The following NFKBIB variants were observed in gnomAD, a reference collection of about 807,000 sequenced individuals.
NFKBIB encodes the protein NF-kappa-B inhibitor beta.
A neutral mutation model predicts 32.1 loss-of-function variants in NFKBIB; 16 were observed. The ratio of observed to expected loss-of-function variants is 0.50; its 90% CI spans 0.34 to 0.76. The LOEUF is 0.76. Ranked by LOEUF, NFKBIB falls within the 30% of genes least tolerant of loss-of-function variation. The pLI is 0.01. For missense variants in NFKBIB, 437 were observed against 514.9 expected, an observed-to-expected ratio of 0.85 and a Z score of 1.46; for synonymous variants, 222 against 219.5, an observed-to-expected ratio of 1.01 and a Z score of -0.10.
rs1974088068 is a variant in NFKBIB, at chr19:38,905,410, G to A, written c.494G>A (p.Gly165Asp). 6.2e-7 allele frequency: 1 copy of A among 1,613,790 alleles called. No homozygotes were observed. Among genetic ancestry groups the A allele is most frequent in the Non-Finnish European group, 8.5e-7 (1 of 1,179,910 alleles). Residue 165 changes from glycine (G) to aspartate (D), a missense_variant, in exon 3 of 6, where the codon GGC (glycine) becomes GAC (aspartate). Physicochemically the swap from Gly to Asp is moderately conservative, Grantham distance 94. Transcript: ENST00000313582. The surrounding 1 kb of genome is among the most constrained non-coding windows in gnomAD (Gnocchi z 5.5). ...GCCCCCGACACCTACCTCGCTCAGG[G>A]CCCTGACCGTACTCCCGACACCAAC... ...REAPDTYLAQ[G>D]PDRTPDTNHT...
At chr19:38,907,035 A>T (rs990537380) in intron 3 of NFKBIB, among the ~76,000 whole-genome samples, 186 bp from the exon 4 acceptor site, 11 of 152,214 alleles carry the variant, frequency 7.2e-5, no homozygotes, top group Non-Finnish European at 1.5e-4. Context: ...AGCACTTGCC[A>T]GCAAGCTCAG....
chr19:38,905,523 G>C lies in NFKBIB; in HGVS notation c.607G>C (p.Glu203Gln). Residue 203 changes from glutamate to glutamine, a missense_variant, in exon 3 of 6, where the codon GAA becomes CAA. Glu to Gln is a conservative substitution (Grantham distance 29). Coordinates refer to ENST00000313582, the MANE Select transcript of NFKBIB (RefSeq NM_002503.5). This position sits in a 1 kb window ranked among gnomAD's most constrained non-coding sequence, Gnocchi z 5.5. ...GGACTGGAAGCTGCAGCTGGAGGCT[G>C]AAAACTACGAGGGTGAGGGTCGTCA... ...EEDWKLQLEA[E>Q]NYEGHTPLHV... is the part of the protein sequence containing the mutation. 1.2e-6 allele frequency: 2 copies of C among 1,607,508 alleles called. No homozygotes were observed. The highest frequency in any genetic ancestry group is 8.5e-7 in the Non-Finnish European group (1 of 1,176,482).
At chr19:38,904,275 C>G (rs8108039) in intron 1 of NFKBIB, among the ~76,000 whole-genome samples, 1 of 151,848 alleles carries the variant, frequency 6.6e-6, no homozygotes, top group Non-Finnish European at 1.5e-5. Context: ...AGTATCCCAC[C>G]CGATAGCCTG....
chr19:38,908,704 C>T (rs1974232915), intron 5 of NFKBIB, 27 bp from the exon 6 acceptor site: 4 of 1,601,668 alleles, frequency 2.5e-6, no homozygotes, highest in Non-Finnish European at 3.4e-6. Context: ...CGCCTGAGCC[C>T]CTCTGCCTGG....
At chr19:38,907,101 C>A (rs1036647949) in intron 3 of NFKBIB, 120 bp from the exon 4 acceptor site, 2 of 904,796 alleles carry the variant, frequency 2.2e-6, no homozygotes, top group Non-Finnish European at 3.4e-6. Flanking sequence ...CCCAAGAATT[C>A]AGGAACCAGC....
chr19:38,904,929 G>C (rs753041215), intron 1 of NFKBIB, 86 bp from the exon 2 acceptor site: 48 of 1,279,074 alleles, frequency 3.8e-5, no homozygotes, highest in Non-Finnish European at 5.2e-5. Flanking sequence ...ACAAGGCCTA[G>C]CATACAGTAG....
rs1974173630 is a variant in NFKBIB at position 38,907,492 on chromosome 19, G to A, written c.802G>A (p.Ala268Thr). ...ELLLRAGANPAARMYGGRTPL... is the reference protein window; with the variant it reads ...ELLLRAGANPTARMYGGRTPL... ...TCTCCTGAGGGCAGGCGCGAACCCT[G>A]CTGCCCGCATGTACGGTGGCCGCAC... is the stretch of plus-strand genomic sequence containing the variant. The change falls in exon 5 of 6, where the codon GCT becomes ACT. Residue 268 changes from alanine (A) to threonine (T), a missense_variant. By Grantham distance (58) the Ala-to-Thr change is moderately conservative. Transcript: ENST00000313582. 2 of 1,612,496 alleles carry A rather than the reference G, an allele frequency of 1.2e-6. No individual in the cohort carries two copies. Among genetic ancestry groups the A allele is most frequent in the African/African-American group, 1.3e-5 (1 of 75,032 alleles).
chr19:38,905,899 G>T lies in NFKBIB; in HGVS notation c.619+364G>T, dbSNP rs17879408. ...AGCTCAGGCCCTCTGTGAAACTCTG[G>T]CACCCCAGGCTCCCAGCAATGGGCA... On this transcript the variant is annotated intron_variant, in intron 3 of 5. Transcript: ENST00000313582. The surrounding 1 kb of genome is among the most constrained non-coding windows in gnomAD (Gnocchi z 5.5). 0.011 allele frequency among the ~76,000 whole-genome samples: 1,637 copies of T among 152,172 alleles called. 14 individuals are homozygous for T. The highest frequency in any genetic ancestry group is 0.016 in the Non-Finnish European group (1,057 of 67,992).
In NFKBIB at chr19:38,907,201, G is replaced by T. The variant is rs768726182; in HGVS notation, c.620-20G>T. ...GGGGGCCCTCACCTCATCATCTGAC[G>T]CCAATCACTCTGTCCCCAGGCCACA... On this transcript the variant is annotated intron_variant, in intron 3 of 5. Coordinates refer to ENST00000313582, the MANE Select transcript of NFKBIB (RefSeq NM_002503.5). 1.3e-6 allele frequency: 2 copies of T among 1,594,382 alleles called. No homozygotes were observed. The highest frequency in any genetic ancestry group is 1.7e-6 in the Non-Finnish European group (2 of 1,165,608).
At chr19:38,901,942 G>A (rs1408775297) in intron 1 of NFKBIB, among the ~76,000 whole-genome samples, 1 of 151,764 alleles carries the variant, frequency 6.6e-6, no homozygotes, top group East Asian at 1.9e-4. Context: ...ATATGATTGT[G>A]TAAATTTATC....
intron 1 of NFKBIB, among the ~76,000 whole-genome samples, chr19:38,902,078 T>TTTTG (rs1973983187): frequency 9.0e-6 from 1 of 111,084 alleles, no homozygotes; most frequent in Non-Finnish European, 1.9e-5. Flanking sequence ...TGTTTTTCAT[T>TTTTG]TTATTTCTTT....
chr19:38,907,955 G>C (rs756082249), intron 5 of NFKBIB: 25 of 1,240,128 alleles, frequency 2.0e-5, no homozygotes, highest in Middle Eastern at 6.3e-4. Context: ...GGTAGCGCTG[G>C]GGGTGATTTT....
At chr19:38,907,145 C>A in intron 3 of NFKBIB, 76 bp from the exon 4 acceptor site, 1 of 1,361,832 alleles carries the variant, frequency 7.3e-7, no homozygotes, top group Non-Finnish European at 1.0e-6. Context: ...CCACATGACC[C>A]TCCCCCAGGA....
chr19:38,901,088 C>T (rs907364846), intron 1 of NFKBIB, among the ~76,000 whole-genome samples: 2 of 152,140 alleles, frequency 1.3e-5, no homozygotes, highest in Non-Finnish European at 2.9e-5. Flanking sequence ...GAAGGAACTG[C>T]AGTTGCAAAG....
At chr19:38,902,265 G>A (rs1973994459) in intron 1 of NFKBIB, among the ~76,000 whole-genome samples, 1 of 151,596 alleles carries the variant, frequency 6.6e-6, no homozygotes, top group South Asian at 2.1e-4. Flanking sequence ...TGTATTTTTA[G>A]TAGAGACGGG....
chr19:38,907,684 A>G, intron 5 of NFKBIB, 25 bp downstream of exon 5: 3 of 1,577,956 alleles, frequency 1.9e-6, no homozygotes, highest in Non-Finnish European at 2.6e-6. Context: ...GAGACAGGGC[A>G]GCCCAGCTGG....
rs757065178 is a variant in NFKBIB, at chr19:38,905,514, C to G, written c.598C>G (p.Leu200Val). The G allele has an allele frequency of 1.2e-6, 2 of 1,610,008 alleles. No homozygotes were observed. Among genetic ancestry groups the G allele is most frequent in the Admixed American group, 3.4e-5 (2 of 59,498 alleles). ...GAGTGAGGAGGACTGGAAGCTGCAG[C>G]TGGAGGCTGAAAACTACGAGGGTGA... ...EESEEDWKLQLEAENYEGHTP... is the reference protein window; with the variant it reads ...EESEEDWKLQVEAENYEGHTP... The change falls in exon 3 of 6, where the codon CTG becomes GTG. Residue 200 changes from leucine (L) to valine (V), a missense_variant. Leu to Val is a conservative substitution (Grantham distance 32). Transcript: ENST00000313582. The surrounding 1 kb of genome is among the most constrained non-coding windows in gnomAD (Gnocchi z 5.5).
chr19:38,904,935 A>G, intron 1 of NFKBIB, 80 bp from the exon 2 acceptor site: 3 of 1,350,008 alleles, frequency 2.2e-6, no homozygotes, highest in Middle Eastern at 1.8e-4. Flanking sequence ...CCTAGCATAC[A>G]GTAGGCGCCC....
At chr19:38,906,522 T>A (rs1015102441) in intron 3 of NFKBIB, among the ~76,000 whole-genome samples, 1 of 136,378 alleles carries the variant, frequency 7.3e-6, no homozygotes, top group Non-Finnish European at 1.5e-5. Context: ...CAGGCTGGAG[T>A]GCAGTGGCGC....
Sources: gnomAD v4.1 joint callset for allele counts (sites outside exome capture counted in the v4.1 genomes callset) on GRCh38, gnomAD v4.1.1 for gene constraint, Gnocchi (gnomAD v3.1) non-coding constraint, MANE v1.5 for transcripts, NCBI Gene and HGNC (gene_info 2026-07-23, HGNC 2026-07-21) for gene names.